PSD3: variants seen among roughly 807,000 people sequenced by gnomAD.
PSD3 encodes pleckstrin and Sec7 domain containing 3.
Under a neutral mutation model 105.5 loss-of-function variants are expected in PSD3, and 49 were observed. The observed-to-expected ratio is 0.46, with a 90% CI of 0.37 to 0.59. The LOEUF (loss-of-function observed/expected upper bound fraction) is 0.59. Ranked by LOEUF, PSD3 falls within the 20% of genes least tolerant of loss-of-function variation. The pLI is 0.00. For missense variants in PSD3, 1,561 were observed against 1,263.8 expected (o/e 1.24, Z -3.57); for synonymous variants, 557 against 457.8 (o/e 1.22, Z -2.77).
intron 9 of PSD3, among the ~76,000 whole-genome samples, chr8:18,664,946 G>A (rs75095450): frequency 0.013 from 2,046 of 152,216 alleles, 40 homozygotes; most frequent in East Asian, 0.063. Flanking sequence ...GTCCATTGTC[G>A]AGACCTATTG....
At chr8:18,764,350 T>G (rs1263410779) in intron 9 of PSD3, among the ~76,000 whole-genome samples, 4 of 152,146 alleles carry the variant, frequency 2.6e-5, no homozygotes, top group Non-Finnish European at 5.9e-5. Flanking sequence ...CCGCTCCCAT[T>G]TGGATTTATA....
At chr8:18,939,545 G>C (rs1026641590) in intron 1 of PSD3, among the ~76,000 whole-genome samples, 1 of 149,118 alleles carries the variant, frequency 6.7e-6, no homozygotes, top group Non-Finnish European at 1.5e-5. Context: ...ATGGGATCTA[G>C]ATATGTTGCT....
At chr8:18,942,749 G>C (rs920495230) in intron 1 of PSD3, among the ~76,000 whole-genome samples, 2 of 152,144 alleles carry the variant, frequency 1.3e-5, no homozygotes, top group Admixed American at 6.5e-5. Flanking sequence ...CTTTGATCTC[G>C]AATTTCTACT....
rs573849520 is a variant in PSD3 at position 18,792,773 on chromosome 8, C to T, written c.2082+6522G>A. ...CATTGTGGAAGACACTGTGGAGATTCCTCAAGGATCTGGAACTAGAAATAC... is the reference window on the plus strand; with the variant it reads ...CATTGTGGAAGACACTGTGGAGATTTCTCAAGGATCTGGAACTAGAAATAC... On this transcript the variant is annotated intron_variant, in intron 8 of 15. Transcript: ENST00000327040. 6.6e-4 allele frequency among the ~76,000 whole-genome samples: 100 copies of T among 152,312 alleles called. 1 individual carries two copies. The highest frequency in any genetic ancestry group is 1.5e-3 in the Admixed American group (23 of 15,302).
intron 1 of PSD3, among the ~76,000 whole-genome samples, chr8:18,980,490 G>C (rs1303015405): frequency 6.6e-6 from 1 of 152,096 alleles, no homozygotes; most frequent in Non-Finnish European, 1.5e-5. Context: ...TTATCAGTCT[G>C]ACAATCTTTT....
rs879621846 is a variant in PSD3 at position 18,920,676 on chromosome 8, C to T, written c.130+15358G>A. Among the ~76,000 whole-genome samples, 54 of 152,142 alleles carry T rather than the reference C, an allele frequency of 3.5e-4. 1 individual carries two copies. The highest frequency in any genetic ancestry group is 5.0e-4 in the Non-Finnish European group (34 of 68,020). ...GGATCATTAGAAACATATTTTTCTC[C>T]TACATGAATGTCCAACAGGACATTC... On this transcript the variant is annotated intron_variant, in intron 2 of 15. Coordinates refer to ENST00000327040, the MANE Select transcript of PSD3 (RefSeq NM_015310.4).
intron 1 of PSD3, among the ~76,000 whole-genome samples, chr8:18,976,279 A>G (rs538601540): frequency 6.6e-6 from 1 of 152,380 alleles, no homozygotes; most frequent in East Asian, 1.9e-4. Flanking sequence ...AAAGAAATAC[A>G]AATGCCCAAT....
intron 1 of PSD3, among the ~76,000 whole-genome samples, chr8:19,019,325 T>A (rs1451151823): frequency 6.6e-6 from 1 of 152,218 alleles, no homozygotes; most frequent in African/African-American, 2.4e-5. Context: ...AGAAAAAAAC[T>A]AAGTATTTTT....
chr8:18,873,007 C>T (rs1334379253), intron 2 of PSD3, among the ~76,000 whole-genome samples: 1 of 152,150 alleles, frequency 6.6e-6, no homozygotes. Flanking sequence ...ATGTCCCATA[C>T]ATGAGGATTC....
intron 1 of PSD3, among the ~76,000 whole-genome samples, chr8:19,051,439 G>T (rs893018458): frequency 2.0e-5 from 3 of 152,136 alleles, no homozygotes; most frequent in Admixed American, 6.5e-5. Context: ...CTCCATGAAT[G>T]CAGTTTCTTA....
At chr8:18,902,545 T>C (rs1819571864) in intron 2 of PSD3, among the ~76,000 whole-genome samples, 1 of 152,230 alleles carries the variant, frequency 6.6e-6, no homozygotes, top group South Asian at 2.1e-4. Flanking sequence ...AGTGGTGTCA[T>C]ATTTCCTTGC....
chr8:18,592,085 A>G (rs1037768921), intron 12 of PSD3, among the ~76,000 whole-genome samples: 21 of 152,208 alleles, frequency 1.4e-4, no homozygotes, highest in Admixed American at 6.6e-5. Context: ...AATTGACCGT[A>G]AAGAAACAAA....
chr8:19,019,149 A>G (rs984101385), intron 1 of PSD3, among the ~76,000 whole-genome samples: 2 of 152,192 alleles, frequency 1.3e-5, no homozygotes, highest in Non-Finnish European at 1.5e-5. Context: ...TTAGCTCTGG[A>G]AATAAATGCC....
chr8:18,732,441 G>A (rs763285652), intron 9 of PSD3, among the ~76,000 whole-genome samples: 2 of 152,240 alleles, frequency 1.3e-5, no homozygotes, highest in Middle Eastern at 3.2e-3. Context: ...CTGCACAAGT[G>A]CAGTCTGGGG....
chr8:18,761,728 A>G (rs545477672), intron 9 of PSD3, among the ~76,000 whole-genome samples: 1 of 152,322 alleles, frequency 6.6e-6, no homozygotes, highest in East Asian at 1.9e-4. Context: ...TACAAAATCT[A>G]TCAGACCCAA....
At chr8:18,665,578 G>A (rs555372366) in intron 9 of PSD3, among the ~76,000 whole-genome samples, 3 of 152,350 alleles carry the variant, frequency 2.0e-5, no homozygotes, top group South Asian at 4.1e-4. Flanking sequence ...AATAAACATA[G>A]TTCATAAAGC....
chr8:18,678,814 A>C lies in PSD3; in HGVS notation c.2173-23129T>G, dbSNP rs1327219459. On this transcript the variant is annotated intron_variant, in intron 9 of 15. Coordinates refer to ENST00000327040, the MANE Select transcript of PSD3 (RefSeq NM_015310.4). ...GCAACAAAAGCAAAACTCCGTCTCAAAAAAAAAAAAAAGTTTTCCTTCTTG... is the reference window on the plus strand; with the variant it reads ...GCAACAAAAGCAAAACTCCGTCTCACAAAAAAAAAAAAGTTTTCCTTCTTG... Among the ~76,000 whole-genome samples the C allele has an allele frequency of 2.5e-4, 3 of 12,094 alleles. 1 individual carries two copies. Among genetic ancestry groups the C allele is most frequent in the South Asian group, 0.33 (2 of 6 alleles). 7.9% of individuals were successfully genotyped at this position (12,094 alleles called of 152,430 possible).
chr8:18,783,711 G>A (rs1808857862), intron 8 of PSD3, among the ~76,000 whole-genome samples: 1 of 152,164 alleles, frequency 6.6e-6, no homozygotes, highest in Admixed American at 6.5e-5. Context: ...TCAGCTCACT[G>A]CAACCTCCGT....
At chr8:18,750,527 A>G (rs1392212152) in intron 9 of PSD3, among the ~76,000 whole-genome samples, 1 of 152,106 alleles carries the variant, frequency 6.6e-6, no homozygotes, top group East Asian at 1.9e-4. Flanking sequence ...GAGCAGTAGC[A>G]AGATTTATTG....
Sources: gnomAD v4.1 joint callset for allele counts (sites outside exome capture counted in the v4.1 genomes callset) on GRCh38, gnomAD v4.1.1 for gene constraint, MANE v1.5 for transcripts, NCBI Gene and HGNC (gene_info 2026-07-23, HGNC 2026-07-21) for gene names.